The following FOXN4 variants were observed in gnomAD, a reference collection of about 807,000 sequenced individuals.
FOXN4 encodes forkhead box N4.
Under a neutral mutation model 45.0 loss-of-function variants are expected in FOXN4, and 12 were observed. The observed-to-expected ratio is 0.27, with a 90% CI of 0.17 to 0.43. The LOEUF is 0.43. Ranked by LOEUF, FOXN4 falls within the 20% of genes least tolerant of loss-of-function variation. The pLI is 1.00. For synonymous variants in FOXN4, 297 were observed against 295.0 expected, an observed-to-expected ratio of 1.01 and a Z score of -0.07; for missense variants, 560 against 694.9, an observed-to-expected ratio of 0.81 and a Z score of 2.18.
intron 8 of FOXN4, 130 bp downstream of exon 8, chr12:109,285,174 G>A (rs534809325): frequency 3.9e-5 from 41 of 1,058,714 alleles, no homozygotes; most frequent in Middle Eastern, 3.0e-4. Flanking sequence ...GTGTGTGTGC[G>A]CGTGCGTATG....
chr12:109,299,839 G>A (rs1301846081), intron 2 of FOXN4, among the ~76,000 whole-genome samples: 1 of 152,176 alleles, frequency 6.6e-6, no homozygotes, highest in African/African-American at 2.4e-5. Flanking sequence ...TGTGAGTTCT[G>A]CAATGCCACA....
chr12:109,279,717 G>T lies in FOXN4; in HGVS notation c.1508C>A (p.Ser503Tyr). The change falls in exon 10 of 10, where the codon TCC (serine) becomes TAC (tyrosine). Residue 503 changes from serine (S) to tyrosine (Y), a missense_variant. Ser to Tyr is a moderately radical substitution (Grantham distance 144). This residue lies in a region of FOXN4 where 315 missense variants were observed against 350.5 expected (regional missense o/e 0.90). Coordinates refer to ENST00000299162, the MANE Select transcript of FOXN4 (RefSeq NM_213596.3). ...GTTCCCCTGTGCACCCAGGTACTGG[G>T]AGGAGGAGCTGGTGCCCGATGCAGC... ...SVAASGTSSSSQYLGAQGNKP... is the reference protein window; with the variant it reads ...SVAASGTSSSYQYLGAQGNKP... 1 of 1,575,934 alleles carries T rather than the reference G, an allele frequency of 6.3e-7. No individual in the cohort carries two copies. The highest frequency in any genetic ancestry group is 1.2e-5 in the South Asian group (1 of 85,764).
chr12:109,297,715 T>A (rs1244888892), intron 2 of FOXN4, among the ~76,000 whole-genome samples: 2 of 152,152 alleles, frequency 1.3e-5, no homozygotes, highest in Non-Finnish European at 2.9e-5. Context: ...CTTCACCCGG[T>A]CCATGGAAAA....
chr12:109,291,733 G>A lies in FOXN4; in HGVS notation c.87-1447C>T, dbSNP rs894709775. On this transcript the variant is annotated intron_variant, in intron 2 of 9. Coordinates refer to ENST00000299162, the MANE Select transcript of FOXN4 (RefSeq NM_213596.3). The surrounding 1 kb of genome is among the most constrained non-coding windows in gnomAD (Gnocchi z 6.6). Reference sequence around the variant, plus strand: ...CAGGTGACTGCCTGGCTGCCCCCGCGATTGGCTGCCTCATAGGGAAACAGG... The same window carrying A: ...CAGGTGACTGCCTGGCTGCCCCCGCAATTGGCTGCCTCATAGGGAAACAGG... 1.3e-5 allele frequency among the ~76,000 whole-genome samples: 2 copies of A among 152,020 alleles called. No homozygotes were observed. The highest frequency in any genetic ancestry group is 2.4e-5 in the African/African-American group (1 of 41,404).
At chr12:109,282,195 C>T (rs898675268) in intron 8 of FOXN4, among the ~76,000 whole-genome samples, 3 of 152,114 alleles carry the variant, frequency 2.0e-5, no homozygotes, top group Admixed American at 2.0e-4. Context: ...TCATGCAATC[C>T]CAGTGCTTTG....
intron 6 of FOXN4, 24 bp from the exon 7 acceptor site, chr12:109,286,768 G>GCAGGGCAGGGCAGGA: frequency 6.4e-7 from 1 of 1,571,156 alleles, no homozygotes; most frequent in Non-Finnish European, 8.5e-7. Flanking sequence ...GTGGGGCAGG[G>GCAGGGCAGGGCAGGA]CAGGGCAGGG....
In FOXN4 at chr12:109,287,215, C is replaced by G. The variant is rs551060639; in HGVS notation, c.596+182G>C. The stretch of plus-strand genomic sequence containing the variant: ...CTCAGGTCTGCAGTGGGCTCTTGAC[C>G]TGGGGGACCCTATGATGCGCCTTCC... On this transcript the variant is annotated intron_variant, in intron 6 of 9. Coordinates refer to ENST00000299162, the MANE Select transcript of FOXN4 (RefSeq NM_213596.3). This position sits in a 1 kb window ranked among gnomAD's most constrained non-coding sequence, Gnocchi z 4.1. Among the ~76,000 whole-genome samples the G allele has an allele frequency of 6.6e-6, 1 of 152,306 alleles. No homozygotes were observed. Among genetic ancestry groups the G allele is most frequent in the South Asian group, 2.1e-4 (1 of 4,830 alleles).
intron 6 of FOXN4, 89 bp from the exon 7 acceptor site, chr12:109,286,833 C>T (rs1269196718): frequency 6.7e-6 from 10 of 1,486,142 alleles, no homozygotes; most frequent in Non-Finnish European, 8.9e-6. Context: ...CCAATGCCGC[C>T]TCTGCCAGGA....
intron 9 of FOXN4, among the ~76,000 whole-genome samples, chr12:109,280,876 G>A (rs1375138917): frequency 6.6e-6 from 1 of 152,248 alleles, no homozygotes. Context: ...AGGTCAGAGT[G>A]TGACCTGGCA....
intron 2 of FOXN4, among the ~76,000 whole-genome samples, chr12:109,293,240 G>T (rs2047785407): frequency 6.6e-6 from 1 of 152,160 alleles, no homozygotes; most frequent in South Asian, 2.1e-4. Context: ...CAATCTCACA[G>T]TCTGGAAAAG....
chr12:109,293,605 C>G (rs2047789859), intron 2 of FOXN4, among the ~76,000 whole-genome samples: 1 of 152,260 alleles, frequency 6.6e-6, no homozygotes, highest in Non-Finnish European at 1.5e-5. Flanking sequence ...TCAAGCGATT[C>G]TCCTGCCTCA....
At position 109,290,074 on chromosome 12, in the gene FOXN4, G is replaced by T; in HGVS notation, c.232+67C>A. On this transcript the variant is annotated intron_variant, in intron 3 of 9. Transcript: ENST00000299162. This position sits in a 1 kb window ranked among gnomAD's most constrained non-coding sequence, Gnocchi z 5.1. ...GGTCATGGCTGCACAGTGGGTGGGT[G>T]GCAGGGCTGGGAATCACCCCTCTCC... 1 of 1,464,040 alleles carries T rather than the reference G, an allele frequency of 6.8e-7. No individual in the cohort carries two copies. The highest frequency in any genetic ancestry group is 1.4e-5 in the South Asian group (1 of 70,710). 90.7% of individuals were successfully genotyped at this position (1,464,040 alleles called of 1,614,324 possible). A position where few individuals can be genotyped will look rare whatever the true frequency, so the allele number is the denominator to read the frequency against.
At position 109,290,320 on chromosome 12, in the gene FOXN4, G is replaced by C. The variant is rs933450552; in HGVS notation, c.87-34C>G. 2.6e-5 allele frequency: 40 copies of C among 1,517,284 alleles called. No individual in the cohort carries two copies. Among genetic ancestry groups the C allele is most frequent in the Non-Finnish European group, 3.5e-5 (40 of 1,127,506 alleles). The allele number at this position is 1,517,284 out of a possible 1,614,324, so 94.0% of individuals were successfully genotyped here. A position where few individuals can be genotyped will look rare whatever the true frequency, so the allele number is the denominator to read the frequency against. ...AGGAACAGAGAACTCGGGCGGGAGG[G>C]GGAGCTTAGGCCAGCTCCTGGGGGT... On this transcript the variant is annotated intron_variant, in intron 2 of 9. Coordinates refer to ENST00000299162, the MANE Select transcript of FOXN4 (RefSeq NM_213596.3). This position sits in a 1 kb window ranked among gnomAD's most constrained non-coding sequence, Gnocchi z 5.1.
chr12:109,287,536 C>A lies in FOXN4; in HGVS notation c.469-12G>T. 1 of 1,513,374 alleles carries A rather than the reference C, an allele frequency of 6.6e-7. No individual in the cohort carries two copies. Among genetic ancestry groups the A allele is most frequent in the Non-Finnish European group, 8.8e-7 (1 of 1,132,200 alleles). The allele number at this position is 1,513,374 out of a possible 1,614,324, so 93.7% of individuals were successfully genotyped here. A position where few individuals can be genotyped will look rare whatever the true frequency, so the allele number is the denominator to read the frequency against. On this transcript the variant is annotated splice_polypyrimidine_tract_variant and intron_variant, in intron 5 of 9. Coordinates refer to ENST00000299162, the MANE Select transcript of FOXN4 (RefSeq NM_213596.3). The surrounding 1 kb of genome is among the most constrained non-coding windows in gnomAD (Gnocchi z 4.1). The stretch of plus-strand genomic sequence containing the variant: ...CCCACAGGAGGGCACTTCCCACAGG[C>A]AGGGGCAGGGAGAAAGTGGCAGAGA...
At chr12:109,304,296 G>GAA (rs1566005777) in intron 2 of FOXN4, among the ~76,000 whole-genome samples, 7 of 31,310 alleles carry the variant, frequency 2.2e-4, no homozygotes, top group African/African-American at 1.4e-3. Flanking sequence ...AGAAAGAAAG[G>GAA]AGAAAGAAAG....
intron 8 of FOXN4, among the ~76,000 whole-genome samples, chr12:109,284,572 CGTGT>C (rs1220532223): frequency 2.1e-5 from 3 of 144,358 alleles, no homozygotes; most frequent in Admixed American, 6.8e-5. Flanking sequence ...TGTGTGCGTG[CGTGT>C]GTGTGTGCGC....
rs2047728328 is a variant in FOXN4, at chr12:109,287,793, C to T, written c.468+51G>A. On this transcript the variant is annotated intron_variant, in intron 5 of 9. Transcript: ENST00000299162. This position sits in a 1 kb window ranked among gnomAD's most constrained non-coding sequence, Gnocchi z 4.1. ...GGCTCAGAGGGGTCCCCGGCCAGCC[C>T]AAGGCAGGGTGTCTGCTGCTCAGTC... 2 of 1,485,904 alleles carry T rather than the reference C, an allele frequency of 1.3e-6. No homozygotes were observed. Among genetic ancestry groups the T allele is most frequent in the East Asian group, 2.5e-5 (1 of 40,124 alleles). The allele number at this position is 1,485,904 out of a possible 1,614,324, so 92.0% of individuals were successfully genotyped here.
In FOXN4 at chr12:109,281,624, G is replaced by A. The variant is rs754367630; in HGVS notation, c.1077C>T (p.Val359=). ...GGGGCTGGACCTGGTGGTGCAGGGG[G>A]ACTGACTGCAGGGACAGGGTCATCA... ...QPLMTLSLQS[V]PLHHQVQPQA... is the part of the protein sequence containing the mutation. Residue 359 remains valine (V), a synonymous_variant, in exon 9 of 10, where the codon GTC becomes GTT. Coordinates refer to ENST00000299162, the MANE Select transcript of FOXN4 (RefSeq NM_213596.3). 6.2e-7 allele frequency: 1 copy of A among 1,610,462 alleles called. No individual in the cohort carries two copies. Among genetic ancestry groups the A allele is most frequent in the East Asian group, 2.2e-5 (1 of 44,790 alleles).
At chr12:109,304,291 GA>G (rs1299180183) in intron 2 of FOXN4, among the ~76,000 whole-genome samples, 76 of 44,578 alleles carry the variant, frequency 1.7e-3, no homozygotes, top group African/African-American at 7.5e-3. Context: ...AAGAAAGAAA[GA>G]AAGGAGAAAG....
Sources: gnomAD v4.1 joint callset for allele counts (sites outside exome capture counted in the v4.1 genomes callset) on GRCh38, gnomAD v4.1.1 for gene constraint, gnomAD v4.1.1 regional missense constraint, Gnocchi (gnomAD v3.1) non-coding constraint, MANE v1.5 for transcripts, NCBI Gene and HGNC (gene_info 2026-07-23, HGNC 2026-07-21) for gene names.